Variants in FRMD1 observed in about 807,000 individuals in gnomAD.
FRMD1 encodes the protein FERM domain containing 1.
Under a neutral mutation model 54.9 loss-of-function variants are expected in FRMD1, and 51 were observed. That is an observed-to-expected ratio of 0.93 (90% CI 0.74 to 1.17). FRMD1 has a LOEUF of 1.17. FRMD1 is among the 50% of genes most tolerant of loss of function. The pLI is 0.00. For missense variants in FRMD1, 729 were observed against 743.0 expected, an observed-to-expected ratio of 0.98 and a Z score of 0.22; for synonymous variants, 324 against 306.4, an observed-to-expected ratio of 1.06 and a Z score of -0.60.
At chr6:168,060,727 G>T (rs1294860668) in intron 9 of FRMD1, 34 bp downstream of exon 9, 13 of 1,584,378 alleles carry the variant, frequency 8.2e-6, no homozygotes, top group Non-Finnish European at 1.0e-5. Context: ...CACACTCACT[G>T]TCCCTGAGGC....
At chr6:168,081,330 A>T, upstream of FRMD1, 1 of 1,516,340 alleles carries the variant, frequency 6.6e-7, no homozygotes, top group Non-Finnish European at 8.8e-7. Flanking sequence ...CCGGGCCCCA[A>T]CACTGACCCC....
At chr6:168,066,880 G>A (rs368837186) in intron 3 of FRMD1, 49 bp from the exon 4 acceptor site, 35 of 1,599,036 alleles carry the variant, frequency 2.2e-5, no homozygotes, top group Middle Eastern at 3.4e-4. Context: ...GGGAGGTGCC[G>A]CTGGCTGTCC....
intron 2 of FRMD1, among the ~76,000 whole-genome samples, chr6:168,074,113 C>T (rs1800442212): frequency 1.3e-5 from 2 of 152,090 alleles, no homozygotes; most frequent in South Asian, 4.1e-4. Flanking sequence ...ACAGGCGCTG[C>T]CACTCACTTC....
chr6:168,081,242 G>A, upstream of FRMD1: 2 of 1,062,888 alleles, frequency 1.9e-6, no homozygotes, highest in Non-Finnish European at 2.5e-6. Context: ...TCCCGCCAGG[G>A]CACTGAGGGG....
intron 1 of FRMD1, chr6:168,075,964 T>A: frequency 2.0e-6 from 2 of 984,882 alleles, no homozygotes; most frequent in South Asian, 1.6e-5. Flanking sequence ...CGGTGTCCCG[T>A]GTCCGCATTT....
intron 1 of FRMD1, among the ~76,000 whole-genome samples, chr6:168,090,822 G>C (rs559621526): frequency 3.3e-3 from 505 of 152,328 alleles, no homozygotes; most frequent in Admixed American, 4.6e-3. Flanking sequence ...GCTTCCATGT[G>C]ATTCTCAGCC....
intron 3 of FRMD1, 184 bp downstream of exon 3, chr6:168,067,183 C>T (rs1800079740): frequency 2.9e-6 from 2 of 679,880 alleles, no homozygotes; most frequent in Admixed American, 4.2e-5. Flanking sequence ...GCGGTGCCTG[C>T]CCTCTCCCAC....
intron 7 of FRMD1, chr6:168,062,616 A>G: frequency 2.7e-6 from 4 of 1,495,202 alleles, no homozygotes; most frequent in African/African-American, 1.4e-5. Flanking sequence ...TGCCCCGAGG[A>G]TGAAGCTGCA....
chr6:168,070,922 C>T (rs1422434723), intron 2 of FRMD1, among the ~76,000 whole-genome samples: 2 of 152,230 alleles, frequency 1.3e-5, no homozygotes, highest in African/African-American at 4.8e-5. Context: ...TACATGCACC[C>T]TCTAGAGCCT....
At chr6:168,090,770 G>A (rs1304096462) in intron 1 of FRMD1, among the ~76,000 whole-genome samples, 1 of 152,218 alleles carries the variant, frequency 6.6e-6, no homozygotes, top group African/African-American at 2.4e-5. Flanking sequence ...GAAGTTTGGA[G>A]GAAACAGATG....
At chr6:168,058,423 G>T (rs990487807) in intron 10 of FRMD1, among the ~76,000 whole-genome samples, 1 of 151,992 alleles carries the variant, frequency 6.6e-6, no homozygotes, top group Non-Finnish European at 1.5e-5. Context: ...CCAGCCTCCC[G>T]TGCCCAGCCC....
chr6:168,083,331 G>C (rs753813099), upstream of FRMD1, among the ~76,000 whole-genome samples: 2 of 152,222 alleles, frequency 1.3e-5, no homozygotes, highest in Non-Finnish European at 1.5e-5. Flanking sequence ...TGGAAAGGCC[G>C]TGACCTGCCT....
chr6:168,076,347 T>C (rs1373278886), intron 1 of FRMD1, among the ~76,000 whole-genome samples: 6 of 152,244 alleles, frequency 3.9e-5, no homozygotes, highest in Non-Finnish European at 1.5e-5. Context: ...GAGTTAATCC[T>C]GAGTTACTGT....
In FRMD1 at chr6:168,059,035, G is replaced by T; in HGVS notation, c.1407+89C>A. On this transcript the variant is annotated intron_variant, in intron 10 of 10. Coordinates refer to ENST00000283309, the MANE Select transcript of FRMD1 (RefSeq NM_024919.6). This position sits in a 1 kb window ranked among gnomAD's most constrained non-coding sequence, Gnocchi z 4.4. ...GTCGAGGGACCCTCTGATAGGCCTA[G>T]GAAGGTCCCCAGGGCCCCTGACAGG... The T allele has an allele frequency of 9.6e-7, 1 of 1,040,966 alleles. No homozygotes were observed. Among genetic ancestry groups the T allele is most frequent in the Non-Finnish European group, 1.4e-6 (1 of 701,950 alleles). The allele number at this position is 1,040,966 out of a possible 1,614,324, so 64.5% of individuals were successfully genotyped here. A position where few individuals can be genotyped will look rare whatever the true frequency, so the allele number is the denominator to read the frequency against.
At chr6:168,065,487 G>A in intron 4 of FRMD1, 3 of 993,496 alleles carry the variant, frequency 3.0e-6, no homozygotes, top group Non-Finnish European at 3.6e-6. Flanking sequence ...GCTTGGCCAT[G>A]GCTGGTATTC....
At chr6:168,085,729 C>A (rs1800906610), upstream of FRMD1, among the ~76,000 whole-genome samples, 1 of 148,838 alleles carries the variant, frequency 6.7e-6, no homozygotes, top group African/African-American at 2.5e-5. Flanking sequence ...TTCCATGGCT[C>A]CCTATCGCCC....
intron 10 of FRMD1, 184 bp from the exon 11 acceptor site, chr6:168,057,523 G>T: frequency 1.3e-6 from 1 of 793,022 alleles, no homozygotes; most frequent in Non-Finnish European, 1.9e-6. Context: ...GAGAGGCTTG[G>T]CATCTTCCTT....
At chr6:168,062,795 C>A (rs1039203591) in intron 7 of FRMD1, 99 bp downstream of exon 7, 1 of 1,604,872 alleles carries the variant, frequency 6.2e-7, no homozygotes, top group African/African-American at 1.3e-5. Flanking sequence ...CGCCCATGAC[C>A]GCTGCAGGGA....
In FRMD1 at chr6:168,067,355, C is replaced by T. The variant is rs1800093329; in HGVS notation, c.384+12G>A. The T allele has an allele frequency of 1.4e-5, 22 of 1,567,060 alleles. No individual in the cohort carries two copies. The highest frequency in any genetic ancestry group is 1.8e-5 in the Non-Finnish European group (21 of 1,149,976). On this transcript the variant is annotated intron_variant, in intron 3 of 10. Coordinates refer to ENST00000283309, the MANE Select transcript of FRMD1 (RefSeq NM_024919.6). The stretch of plus-strand genomic sequence containing the variant: ...GGTGCCTGCCCTCTCCCACCCGACA[C>T]TCTACACTTACTTCATTTCTTTCTT...
Sources: gnomAD v4.1 joint callset for allele counts (sites outside exome capture counted in the v4.1 genomes callset) on GRCh38, gnomAD v4.1.1 for gene constraint, Gnocchi (gnomAD v3.1) non-coding constraint, MANE v1.5 for transcripts, NCBI Gene and HGNC (gene_info 2026-07-23, HGNC 2026-07-21) for gene names.